Variants in PTPRD observed in about 807,000 individuals in gnomAD.
The protein encoded by PTPRD is receptor-type tyrosine-protein phosphatase delta.
A neutral mutation model predicts 214.5 loss-of-function variants in PTPRD; 34 were observed. The observed-to-expected ratio is 0.16, with a 90% CI of 0.12 to 0.21. PTPRD has a LOEUF of 0.21. PTPRD is among the 10% of genes least tolerant of loss of function. PTPRD has a pLI of 1.00. For synonymous variants in PTPRD, 1,128 were observed against 845.7 expected (o/e 1.33, Z -5.79); for missense variants, 2,545 against 2,398.7 (o/e 1.06, Z -1.27).
intron 39 of PTPRD, among the ~76,000 whole-genome samples, chr9:8,370,231 CACACACATAT>C (rs1295292347): frequency 1.1e-4 from 4 of 34,898 alleles, no homozygotes; most frequent in Admixed American, 1.1e-3. Context: ...CACACACACA[CACACACATAT>C]ATATATATGT....
chr9:9,454,318 T>A (rs548131239), intron 8 of PTPRD, among the ~76,000 whole-genome samples: 3 of 151,888 alleles, frequency 2.0e-5, no homozygotes, highest in Admixed American at 2.0e-4. Context: ...ATGTGAAATC[T>A]ATGGACATGG....
At chr9:8,528,159 G>A (rs1173493543) in intron 15 of PTPRD, 2 of 356,814 alleles carry the variant, frequency 5.6e-6, no homozygotes, top group Admixed American at 4.5e-5. Flanking sequence ...ACATTTTAGG[G>A]TTTAATATGA....
intron 2 of PTPRD, among the ~76,000 whole-genome samples, chr9:10,343,354 A>T (rs950789994): frequency 6.6e-6 from 1 of 152,014 alleles, no homozygotes; most frequent in African/African-American, 2.4e-5. Context: ...ATATGTGCCA[A>T]ATTTTCTTAA....
chr9:10,188,955 T>G (rs968215186), intron 3 of PTPRD, among the ~76,000 whole-genome samples: 2 of 152,152 alleles, frequency 1.3e-5, no homozygotes, highest in Non-Finnish European at 2.9e-5. Flanking sequence ...GCTGTAACCA[T>G]TTGAAGGCTC....
intron 9 of PTPRD, among the ~76,000 whole-genome samples, chr9:9,393,635 T>C (rs1270918122): frequency 1.3e-5 from 2 of 152,148 alleles, no homozygotes; most frequent in Non-Finnish European, 1.5e-5. Context: ...GTTTCTTCCA[T>C]AGCAACAGAT....
At chr9:8,883,943 G>C (rs2098466327) in intron 11 of PTPRD, among the ~76,000 whole-genome samples, 1 of 152,196 alleles carries the variant, frequency 6.6e-6, no homozygotes, top group Non-Finnish European at 1.5e-5. Flanking sequence ...AGTGAAGAGA[G>C]ACACTATTAG....
intron 10 of PTPRD, among the ~76,000 whole-genome samples, chr9:9,149,585 A>G (rs2099874552): frequency 6.6e-6 from 1 of 152,224 alleles, no homozygotes; most frequent in Admixed American, 6.5e-5. Context: ...TGTTCATGAA[A>G]GACTGAAATC....
rs186190258 is a variant in PTPRD, at chr9:8,345,374, C to A, written c.4662-3396G>T. On this transcript the variant is annotated intron_variant, in intron 39 of 45. Coordinates refer to ENST00000381196, the MANE Select transcript of PTPRD (RefSeq NM_002839.4). ...AAAATTTAGCACCCTGTTCCCAGCA[C>A]CCCCAGTGCTTCACAATGCTTTCCA... Among the ~76,000 whole-genome samples, 6 of 152,174 alleles carry A rather than the reference C, an allele frequency of 3.9e-5. No individual in the cohort carries two copies. The East Asian group carries it at 1.2e-3, about 29-fold the overall frequency.
chr9:10,435,321 G>T (rs1372549029), intron 2 of PTPRD, among the ~76,000 whole-genome samples: 5 of 151,870 alleles, frequency 3.3e-5, no homozygotes, highest in African/African-American at 1.2e-4. Context: ...TATCCTAATA[G>T]CACTTTACAC....
intron 14 of PTPRD, among the ~76,000 whole-genome samples, chr9:8,531,439 C>T (rs1372827964): frequency 6.6e-6 from 1 of 152,190 alleles, no homozygotes; most frequent in East Asian, 1.9e-4. Context: ...TATTAAATAT[C>T]TCACTTGGCA....
intron 27 of PTPRD, among the ~76,000 whole-genome samples, chr9:8,492,173 A>C (rs2097163566): frequency 6.6e-6 from 1 of 152,262 alleles, no homozygotes; most frequent in East Asian, 1.9e-4. Context: ...TGGCTTCTTT[A>C]GAATCCCCAC....
intron 2 of PTPRD, among the ~76,000 whole-genome samples, chr9:10,408,761 G>A (rs2098403555): frequency 6.6e-6 from 1 of 151,632 alleles, no homozygotes; most frequent in Non-Finnish European, 1.5e-5. Context: ...AGTGTGTTTA[G>A]TCTTTCTAAG....
chr9:10,280,493 A>C (rs1211258125), intron 3 of PTPRD, among the ~76,000 whole-genome samples: 1 of 152,178 alleles, frequency 6.6e-6, no homozygotes, highest in East Asian at 1.9e-4. Context: ...AAACAATATA[A>C]ATAAATGTTT....
chr9:9,420,876 G>A (rs1409233991), intron 8 of PTPRD, among the ~76,000 whole-genome samples: 1 of 151,776 alleles, frequency 6.6e-6, no homozygotes, highest in Non-Finnish European at 1.5e-5. Context: ...TTTCATAAAT[G>A]CAGATAATTT....
intron 9 of PTPRD, among the ~76,000 whole-genome samples, chr9:9,226,365 T>G (rs1432806518): frequency 6.6e-6 from 1 of 151,904 alleles, no homozygotes; most frequent in Non-Finnish European, 1.5e-5. Flanking sequence ...TTACAACCTA[T>G]TTAATAAAGC....
At chr9:9,235,881 T>C (rs1421464284) in intron 9 of PTPRD, among the ~76,000 whole-genome samples, 4 of 152,188 alleles carry the variant, frequency 2.6e-5, no homozygotes, top group African/African-American at 9.7e-5. Flanking sequence ...TGTTTGGCCA[T>C]GATATTCTAA....
chr9:9,958,391 C>T (rs1420103750), intron 4 of PTPRD, among the ~76,000 whole-genome samples: 2 of 152,006 alleles, frequency 1.3e-5, no homozygotes, highest in African/African-American at 2.4e-5. Flanking sequence ...ATTAGCTGGG[C>T]GTGGTGGCAC....
At chr9:9,425,498 G>C (rs1220365733) in intron 8 of PTPRD, among the ~76,000 whole-genome samples, 2 of 147,992 alleles carry the variant, frequency 1.4e-5, no homozygotes, top group Admixed American at 1.4e-4. Context: ...AAAAGTAATT[G>C]TGGGTTTTGC....
intron 10 of PTPRD, among the ~76,000 whole-genome samples, chr9:9,086,948 G>C (rs577743875): frequency 6.6e-6 from 1 of 152,278 alleles, no homozygotes; most frequent in East Asian, 1.9e-4. Context: ...ATGGGGAAGA[G>C]AAGAAAAGAG....
Sources: gnomAD v4.1 joint callset for allele counts (sites outside exome capture counted in the v4.1 genomes callset) on GRCh38, gnomAD v4.1.1 for gene constraint, MANE v1.5 for transcripts, NCBI Gene and HGNC (gene_info 2026-07-23, HGNC 2026-07-21) for gene names.